KCNQ3: variants seen among roughly 807,000 people sequenced by gnomAD.
The protein encoded by KCNQ3 is potassium voltage-gated channel subfamily Q member 3.
A neutral mutation model predicts 92.5 loss-of-function variants in KCNQ3; 30 were observed. The ratio of observed to expected loss-of-function variants is 0.32; its 90% CI spans 0.24 to 0.44. The LOEUF (loss-of-function observed/expected upper bound fraction) is 0.44. Ranked by LOEUF, KCNQ3 falls within the 20% of genes least tolerant of loss-of-function variation. The probability of loss-of-function intolerance (pLI) is 1.00; values close to 1 mark genes in which losing one functional copy is unlikely to be tolerated. For missense variants in KCNQ3, 913 were observed against 1,140.3 expected (o/e 0.80, Z 2.87); for synonymous variants, 450 against 468.8 (o/e 0.96, Z 0.52).
chr8:132,200,992 C>A (rs1827440942), intron 1 of KCNQ3, among the ~76,000 whole-genome samples: 1 of 152,078 alleles, frequency 6.6e-6, no homozygotes, highest in Non-Finnish European at 1.5e-5. Flanking sequence ...TTGGTGAGAG[C>A]CTTCTTGTCA....
intron 1 of KCNQ3, among the ~76,000 whole-genome samples, chr8:132,428,085 T>A (rs955297830): frequency 6.6e-6 from 1 of 152,106 alleles, no homozygotes; most frequent in African/African-American, 2.4e-5. Context: ...TCTCAGGCCT[T>A]GTCCCTCTGC....
chr8:132,210,385 G>A (rs1364175184), intron 1 of KCNQ3, among the ~76,000 whole-genome samples: 1 of 152,218 alleles, frequency 6.6e-6, no homozygotes, highest in Non-Finnish European at 1.5e-5. Context: ...CTGTGTCCCT[G>A]CAGTCAGAAA....
At chr8:132,279,673 C>A (rs1816450834) in intron 1 of KCNQ3, among the ~76,000 whole-genome samples, 1 of 152,186 alleles carries the variant, frequency 6.6e-6, no homozygotes, top group South Asian at 2.1e-4. Context: ...CACGCACACA[C>A]ACGTGTATAT....
intron 1 of KCNQ3, among the ~76,000 whole-genome samples, chr8:132,248,826 G>C (rs528510636): frequency 6.2e-4 from 94 of 152,328 alleles, no homozygotes; most frequent in Non-Finnish European, 1.2e-3. Flanking sequence ...ACAGATGTTT[G>C]CTGGGACTGT....
At chr8:132,388,944 G>A (rs1393087403) in intron 1 of KCNQ3, among the ~76,000 whole-genome samples, 1 of 152,126 alleles carries the variant, frequency 6.6e-6, no homozygotes, top group Non-Finnish European at 1.5e-5. Context: ...CATGGATAAA[G>A]CAGATTCTTA....
chr8:132,192,969 T>C (rs968271208), intron 1 of KCNQ3, among the ~76,000 whole-genome samples: 18 of 152,170 alleles, frequency 1.2e-4, no homozygotes, highest in Non-Finnish European at 1.5e-4. Flanking sequence ...CTTGACTGTT[T>C]CCTTTCCTCT....
intron 1 of KCNQ3, among the ~76,000 whole-genome samples, chr8:132,454,319 C>G (rs1276372705): frequency 6.6e-6 from 1 of 152,212 alleles, no homozygotes; most frequent in Non-Finnish European, 1.5e-5. Flanking sequence ...TTCCTCCACT[C>G]TCTCACGTCC....
intron 9 of KCNQ3, among the ~76,000 whole-genome samples, chr8:132,158,777 T>C (rs944025231): frequency 1.3e-5 from 2 of 152,246 alleles, no homozygotes; most frequent in Non-Finnish European, 1.5e-5. Flanking sequence ...CTTACAACTA[T>C]GCCGGGGAAG....
rs181172448 is a variant in KCNQ3 at position 132,134,735 on chromosome 8, C to T, written c.1701-347G>A. ...GCAGACAAACCACTGAGAGAGGTGA[C>T]GGCTGCATCTTGTTATTTTTTTTTT... On this transcript the variant is annotated intron_variant, in intron 12 of 14. Transcript: ENST00000388996. Among the ~76,000 whole-genome samples the T allele has an allele frequency of 2.7e-3, 404 of 151,194 alleles. 4 individuals are homozygous for T. Among genetic ancestry groups the T allele is most frequent in the Admixed American group, 6.3e-3 (95 of 15,084 alleles).
At chr8:132,409,473 AAT>A in intron 1 of KCNQ3, among the ~76,000 whole-genome samples, 1 of 152,080 alleles carries the variant, frequency 6.6e-6, no homozygotes, top group Non-Finnish European at 1.5e-5. Context: ...AAAAAAAAAA[AAT>A]AGCTCATCCT....
intron 1 of KCNQ3, among the ~76,000 whole-genome samples, chr8:132,265,327 CA>C (rs1051504790): frequency 7.2e-5 from 11 of 152,252 alleles, no homozygotes; most frequent in African/African-American, 2.7e-4. Flanking sequence ...CATCCACCAA[CA>C]ACCAGTATGC....
At chr8:132,431,362 T>C (rs1295733061) in intron 1 of KCNQ3, among the ~76,000 whole-genome samples, 1 of 152,230 alleles carries the variant, frequency 6.6e-6, no homozygotes, top group Non-Finnish European at 1.5e-5. Context: ...AGTTCCAGGC[T>C]TGATTCTTGC....
chr8:132,417,678 CCATTCATT>C (rs59884171), intron 1 of KCNQ3, among the ~76,000 whole-genome samples: 6 of 151,866 alleles, frequency 4.0e-5, no homozygotes, highest in Non-Finnish European at 7.4e-5. Flanking sequence ...ATCCATCCAT[CCATTCATT>C]CATTCATTCA....
At chr8:132,203,130 C>A (rs1453908219) in intron 1 of KCNQ3, among the ~76,000 whole-genome samples, 2 of 152,068 alleles carry the variant, frequency 1.3e-5, no homozygotes, top group African/African-American at 2.4e-5. Flanking sequence ...TATAACAAAC[C>A]CGCTCTCAGG....
At chr8:132,367,549 C>T (rs1320057559) in intron 1 of KCNQ3, among the ~76,000 whole-genome samples, 4 of 152,202 alleles carry the variant, frequency 2.6e-5, no homozygotes. Flanking sequence ...AATTAAGCTA[C>T]TAGGTGGACT....
At chr8:132,358,933 G>C (rs1466883819) in intron 1 of KCNQ3, among the ~76,000 whole-genome samples, 1 of 152,204 alleles carries the variant, frequency 6.6e-6, no homozygotes, top group Non-Finnish European at 1.5e-5. Flanking sequence ...AACCCCATCA[G>C]CTCGAGGATG....
Position 132,187,899 on chromosome 8 carries a change from G to A in KCNQ3, c.387-1718C>T, listed in dbSNP as rs536112234. ...TAGTGATGGTGGCGGTGGTGGTGGTGGTGATGGTGGTGGTGGTGTTGGTGG... is the reference window on the plus strand; with the variant it reads ...TAGTGATGGTGGCGGTGGTGGTGGTAGTGATGGTGGTGGTGGTGTTGGTGG... On this transcript the variant is annotated intron_variant, in intron 1 of 14. Transcript: ENST00000388996. 2.6e-3 allele frequency among the ~76,000 whole-genome samples: 219 copies of A among 85,054 alleles called. 1 individual carries two copies. Among genetic ancestry groups the A allele is most frequent in the Middle Eastern group, 4.6e-3 (1 of 218 alleles). 55.8% of individuals were successfully genotyped at this position (85,054 alleles called of 152,430 possible).
chr8:132,207,382 T>A (rs1444884350), intron 1 of KCNQ3, among the ~76,000 whole-genome samples: 1 of 152,242 alleles, frequency 6.6e-6, no homozygotes, highest in Non-Finnish European at 1.5e-5. Flanking sequence ...TGCATTTTAA[T>A]AGCGAATAAA....
At chr8:132,144,411 C>G (rs555893385) in intron 9 of KCNQ3, among the ~76,000 whole-genome samples, 3 of 152,330 alleles carry the variant, frequency 2.0e-5, no homozygotes, top group African/African-American at 7.2e-5. Flanking sequence ...CAACTCTGTT[C>G]TACGCTGTAT....
Sources: gnomAD v4.1 joint callset for allele counts (sites outside exome capture counted in the v4.1 genomes callset) on GRCh38, gnomAD v4.1.1 for gene constraint, MANE v1.5 for transcripts, NCBI Gene and HGNC (gene_info 2026-07-23, HGNC 2026-07-21) for gene names.